Variants in PADI2 observed in about 807,000 individuals in gnomAD.
The protein encoded by PADI2 is peptidyl arginine deiminase 2.
Under a neutral mutation model 81.1 loss-of-function variants are expected in PADI2, and 70 were observed. The observed-to-expected ratio is 0.86, with a 90% confidence interval of 0.71 to 1.05. The LOEUF (loss-of-function observed/expected upper bound fraction) is 1.05, where lower values mean the gene tolerates loss of function less well. PADI2 is among the 50% of genes least tolerant of loss of function. The pLI is 0.00. For synonymous variants in PADI2, 338 were observed against 358.0 expected, an observed-to-expected ratio of 0.94 and a Z score of 0.63; for missense variants, 853 against 889.9, an observed-to-expected ratio of 0.96 and a Z score of 0.53.
rs146289691 is a variant in PADI2 at position 17,087,371 on chromosome 1, T to C, written c.656-672A>G. On this transcript the variant is annotated intron_variant, in intron 6 of 15. Transcript: ENST00000375486. ...ATTGTGTCCCTTCTTCCTTCAGGCC[T>C]TGGTTTGTGTCACTTGCAACAATCC... 2.4e-3 allele frequency among the ~76,000 whole-genome samples: 366 copies of C among 152,342 alleles called. 1 individual carries two copies. Among genetic ancestry groups the C allele is most frequent in the African/African-American group, 8.6e-3 (358 of 41,576 alleles).
At chr1:17,081,218 C>T (rs1222388818) in intron 10 of PADI2, among the ~76,000 whole-genome samples, 1 of 152,200 alleles carries the variant, frequency 6.6e-6, no homozygotes, top group Non-Finnish European at 1.5e-5. Flanking sequence ...TCACTAAGGA[C>T]AGGGCCCGGG....
chr1:17,118,988 G>C (rs1931850599), intron 1 of PADI2, among the ~76,000 whole-genome samples: 1 of 152,144 alleles, frequency 6.6e-6, no homozygotes, highest in Non-Finnish European at 1.5e-5. Context: ...CCCGGGAGGA[G>C]AACTGGAGAG....
chr1:17,119,415 G>C lies in PADI2; in HGVS notation c.-44C>G, dbSNP rs2647176. ...CGCGCTCGCTGGTCCGGGGCGGCCG[G>C]GAGCACCTGCAGCAGGTGCGCCTTC... On this transcript the variant is annotated 5_prime_UTR_variant, in exon 1 of 16. Transcript: ENST00000375486. The surrounding 1 kb of genome is among the most constrained non-coding windows in gnomAD (Gnocchi z 4.8). 15,265 of 1,436,284 alleles carry C rather than the reference G, an allele frequency of 0.011. 1,281 individuals are homozygous for C. The African/African-American group carries it at 0.19, about 18-fold the overall frequency. The allele number at this position is 1,436,284 out of a possible 1,614,324, so 89.0% of individuals were successfully genotyped here. A position where few individuals can be genotyped will look rare whatever the true frequency, so the allele number is the denominator to read the frequency against.
intron 15 of PADI2, among the ~76,000 whole-genome samples, 173 bp from the exon 16 acceptor site, chr1:17,069,450 C>T (rs2078249168): frequency 6.6e-6 from 1 of 152,212 alleles, no homozygotes; most frequent in Admixed American, 6.5e-5. Flanking sequence ...AAGTGGAAAA[C>T]CAGGCAATCT....
intron 13 of PADI2, among the ~76,000 whole-genome samples, chr1:17,072,845 T>C (rs2078273840): frequency 1.3e-5 from 2 of 152,192 alleles, no homozygotes; most frequent in Non-Finnish European, 2.9e-5. Flanking sequence ...CTATATCCTA[T>C]GGGTAGTTTT....
rs758769081 is a variant in PADI2 at position 17,105,013 on chromosome 1, G to A, written c.141C>T (p.His47=). ...AQTFSLKHSE[H]VWVEVVRDGE... is the part of the protein sequence containing the mutation. ...CATCACGCACCACCTCCACCCACAC[G>A]TGTTCCGAGTGCTTCAGGCTGAAGG... Residue 47 remains histidine (H), a synonymous_variant, in exon 2 of 16, where the codon CAC becomes CAT. Coordinates refer to ENST00000375486, the MANE Select transcript of PADI2 (RefSeq NM_007365.3). 51 of 1,605,286 alleles carry A rather than the reference G, an allele frequency of 3.2e-5. 1 individual carries two copies. The Middle Eastern group carries it at 5.0e-4, about 16-fold the overall frequency.
chr1:17,069,968 G>T, intron 15 of PADI2, 120 bp downstream of exon 15: 1 of 1,166,818 alleles, frequency 8.6e-7, no homozygotes, highest in Non-Finnish European at 1.2e-6. Context: ...AGGTCACACA[G>T]CAGCTCAGCC....
At position 17,093,690 on chromosome 1, in the gene PADI2, G is replaced by T. The variant is rs774914330; in HGVS notation, c.412-6C>A. On this transcript the variant is annotated splice_polypyrimidine_tract_variant and splice_region_variant and intron_variant, in intron 4 of 15. Transcript: ENST00000375486. ...GGGCCCCAGGTCCAGGATGCCTACA[G>T]TGGCAGGAAGAAAGGTCAGTGCCCT... The T allele has an allele frequency of 8.7e-5, 134 of 1,548,032 alleles. No homozygotes were observed. The South Asian group carries it at 1.4e-3, about 16-fold the overall frequency.
At position 17,086,468 on chromosome 1, in the gene PADI2, C is replaced by T. The variant is rs1570987094; in HGVS notation, c.834+53G>A. ...ATAGGAATGGCCCACTAGTAGGAGA[C>T]CCACCCTGGCCCCTGGGGTTAGCCC... On this transcript the variant is annotated intron_variant, in intron 7 of 15. Transcript: ENST00000375486. The T allele has an allele frequency of 3.0e-5, 44 of 1,477,682 alleles. 1 individual carries two copies. In the South Asian group the frequency reaches 5.3e-4, roughly 18 times the overall value. 91.5% of individuals were successfully genotyped at this position (1,477,682 alleles called of 1,614,324 possible). A position where few individuals can be genotyped will look rare whatever the true frequency, so the allele number is the denominator to read the frequency against.
chr1:17,092,145 C>A (rs1930719365), intron 6 of PADI2, among the ~76,000 whole-genome samples: 2 of 152,148 alleles, frequency 1.3e-5, no homozygotes, highest in Admixed American at 1.3e-4. Context: ...TGCCCAAATG[C>A]CCTTCCTCCC....
chr1:17,080,405 C>T (rs2101580572), intron 10 of PADI2, among the ~76,000 whole-genome samples: 1 of 152,308 alleles, frequency 6.6e-6, no homozygotes, highest in Non-Finnish European at 1.5e-5. Context: ...AGGAGAATGG[C>T]ATTTCCCAGA....
intron 12 of PADI2, 58 bp downstream of exon 12, chr1:17,075,621 G>T (rs3818035): frequency 0.63 from 919,249 of 1,466,512 alleles, 290,761 homozygotes; most frequent in Middle Eastern, 0.71. Flanking sequence ...TGGCAGGGGC[G>T]GGTAATATAT....
At chr1:17,116,182 T>C (rs1931754982) in intron 1 of PADI2, among the ~76,000 whole-genome samples, 1 of 152,196 alleles carries the variant, frequency 6.6e-6, no homozygotes, top group Admixed American at 6.5e-5. Context: ...AGCCCGTGGA[T>C]GGAAGCTGGT....
In PADI2 at chr1:17,068,967, C is replaced by T; in HGVS notation, c.*77G>A. ...CCCAGCGGGGCTGTCCAGTCCATGT[C>T]AGCAGAAGGCTCTGGGCGTGTGAGG... On this transcript the variant is annotated 3_prime_UTR_variant, in exon 16 of 16. Coordinates refer to ENST00000375486, the MANE Select transcript of PADI2 (RefSeq NM_007365.3). The T allele has an allele frequency of 8.7e-7, 1 of 1,148,048 alleles. No individual in the cohort carries two copies. The highest frequency in any genetic ancestry group is 1.3e-6 in the Non-Finnish European group (1 of 759,136). 71.1% of individuals were successfully genotyped at this position (1,148,048 alleles called of 1,614,324 possible). A position where few individuals can be genotyped will look rare whatever the true frequency, so the allele number is the denominator to read the frequency against.
rs774063885 is a variant in PADI2, at chr1:17,119,302, A to G, written c.70T>C (p.Tyr24His). The change falls in exon 1 of 16, where the codon TAC becomes CAC. Residue 24 changes from tyrosine to histidine, a missense_variant. Transcript: ENST00000375486. This position sits in a 1 kb window ranked among gnomAD's most constrained non-coding sequence, Gnocchi z 4.8. ...CACCTGTAGACATCGGTCCAGAGGT[A>G]GGTGCCCAGCACGTACACCGCCTCC... ...RVEAVYVLGTYLWTDVYSAAP... is the reference protein window; with the variant it reads ...RVEAVYVLGTHLWTDVYSAAP... 8.3e-6 allele frequency: 13 copies of G among 1,559,530 alleles called. No individual in the cohort carries two copies. The highest frequency in any genetic ancestry group is 1.7e-4 in the Middle Eastern group (1 of 6,002).
intron 2 of PADI2, among the ~76,000 whole-genome samples, chr1:17,104,078 C>T (rs555701372): frequency 7.3e-5 from 11 of 149,674 alleles, no homozygotes; most frequent in South Asian, 4.2e-4. Context: ...GTCAGGAGAT[C>T]GACAGCATCC....
At chr1:17,104,423 T>C (rs1330483694) in intron 2 of PADI2, among the ~76,000 whole-genome samples, 5 of 129,588 alleles carry the variant, frequency 3.9e-5, no homozygotes, top group Admixed American at 3.5e-4. Flanking sequence ...TGTTTCTTTT[T>C]GCCTTTTCTT....
chr1:17,101,330 G>T (rs1469716207), intron 3 of PADI2, among the ~76,000 whole-genome samples: 1 of 152,156 alleles, frequency 6.6e-6, no homozygotes, highest in Admixed American at 6.5e-5. Context: ...TGTTAATGGT[G>T]CAGTCAGCCT....
Position 17,103,025 on chromosome 1 carries a change from A to T in PADI2, c.311T>A (p.Ile104Asn). The T allele has an allele frequency of 1.2e-6, 2 of 1,613,680 alleles. No homozygotes were observed. Among genetic ancestry groups the T allele is most frequent in the Non-Finnish European group, 1.7e-6 (2 of 1,179,762 alleles). ...TVNYYDEEGSIPIDQAGLFLT... is the reference protein window; with the variant it reads ...TVNYYDEEGSNPIDQAGLFLT... Reference sequence around the variant, plus strand: ...GAAGAGCCCCGCCTGGTCGATGGGAATGCTCCCTTCCTCGTCATAGTAGTT... The same window carrying T: ...GAAGAGCCCCGCCTGGTCGATGGGATTGCTCCCTTCCTCGTCATAGTAGTT... The change falls in exon 3 of 16, where the codon ATT (isoleucine) becomes AAT (asparagine). Residue 104 changes from isoleucine (I) to asparagine (N), a missense_variant. Ile to Asn is a moderately radical substitution (Grantham distance 149). Coordinates refer to ENST00000375486, the MANE Select transcript of PADI2 (RefSeq NM_007365.3).
Sources: allele counts gnomAD v4.1 joint callset (sites outside exome capture counted in the v4.1 genomes callset), GRCh38; gene constraint gnomAD v4.1.1; non-coding constraint Gnocchi (gnomAD v3.1); transcripts MANE v1.5; gene names NCBI Gene and HGNC (gene_info 2026-07-23, HGNC 2026-07-21).